Variants in TSHZ3 observed in about 807,000 individuals in gnomAD.
TSHZ3 encodes teashirt zinc finger homeobox 3.
TSHZ3 carries 10 observed loss-of-function variants against 64.5 expected under a neutral mutation model. That is an observed-to-expected ratio of 0.16 (90% CI 0.10 to 0.26). The LOEUF is 0.26. Ranked by LOEUF, TSHZ3 falls within the 10% of genes least tolerant of loss-of-function variation. The pLI, the probability that TSHZ3 is intolerant of heterozygous loss-of-function variation, is 1.00. For missense variants in TSHZ3, 1,242 were observed against 1,421.7 expected (o/e 0.87, Z 2.03); for synonymous variants, 608 against 593.1 (o/e 1.03, Z -0.36).
chr19:31,321,134 A>G (rs1425624246), intron 1 of TSHZ3, among the ~76,000 whole-genome samples: 1 of 152,248 alleles, frequency 6.6e-6, no homozygotes, highest in East Asian at 1.9e-4. Flanking sequence ...AGCAAAATAC[A>G]GTGCTTTATA....
intron 5 of TSHZ3, among the ~76,000 whole-genome samples, chr19:31,181,160 A>C (rs1193338415): frequency 2.0e-5 from 3 of 152,010 alleles, no homozygotes; most frequent in Non-Finnish European, 4.4e-5. Flanking sequence ...GTTTTTGAAG[A>C]ATCAAGCAGA....
intron 3 of TSHZ3, among the ~76,000 whole-genome samples, chr19:31,228,434 G>A (rs946552035): frequency 1.3e-5 from 2 of 151,004 alleles, no homozygotes; most frequent in East Asian, 2.0e-4. Context: ...GCTGAGGGGG[G>A]AGGATCACAT....
At chr19:31,258,514 C>T (rs1466904739) in intron 1 of TSHZ3, among the ~76,000 whole-genome samples, 1 of 152,194 alleles carries the variant, frequency 6.6e-6, no homozygotes, top group Non-Finnish European at 1.5e-5. Context: ...GTTTTCTCCG[C>T]AGCCAGCAGC....
At chr19:31,233,374 T>C (rs981817495) in intron 3 of TSHZ3, among the ~76,000 whole-genome samples, 8 of 152,216 alleles carry the variant, frequency 5.3e-5, no homozygotes, top group African/African-American at 1.4e-4. Context: ...CATTCACTCA[T>C]TGGCCAATTG....
At chr19:31,231,813 T>C (rs1975544488) in intron 3 of TSHZ3, among the ~76,000 whole-genome samples, 1 of 152,172 alleles carries the variant, frequency 6.6e-6, no homozygotes, top group African/African-American at 2.4e-5. Context: ...AAGGAAAATG[T>C]TTTGATTTAA....
chr19:31,308,545 T>G, intron 1 of TSHZ3: 1 of 396,690 alleles, frequency 2.5e-6, no homozygotes, highest in Non-Finnish European at 4.4e-6. Flanking sequence ...TCTAGGAGAC[T>G]GGCTCTCGAT....
chr19:31,274,229 A>G (rs764294238), downstream of TSHZ3, among the ~76,000 whole-genome samples: 7 of 152,144 alleles, frequency 4.6e-5, no homozygotes, highest in Non-Finnish European at 8.8e-5. Context: ...GATTCTGCAT[A>G]ACTGCAAGAG....
chr19:31,305,031 T>C (rs1293539878), intron 1 of TSHZ3, among the ~76,000 whole-genome samples: 1 of 152,194 alleles, frequency 6.6e-6, no homozygotes, highest in East Asian at 1.9e-4. Context: ...TAAGCAAAAT[T>C]GTAATCTGTT....
chr19:31,244,648 C>CT (rs908570103), intron 1 of TSHZ3, among the ~76,000 whole-genome samples: 3 of 151,398 alleles, frequency 2.0e-5, no homozygotes, highest in Non-Finnish European at 2.9e-5. Context: ...AAAATCATTT[C>CT]TTTTTTTTTA....
downstream of TSHZ3, among the ~76,000 whole-genome samples, chr19:31,270,977 A>C (rs1976127001): frequency 6.6e-6 from 1 of 152,132 alleles, no homozygotes; most frequent in African/African-American, 2.4e-5. Flanking sequence ...TTCTTTTAAA[A>C]CCTGGATTTT....
At chr19:31,349,082 G>C (rs2021613849) in intron 1 of TSHZ3, 98 bp downstream of exon 1, 6 of 1,457,060 alleles carry the variant, frequency 4.1e-6, no homozygotes, top group Admixed American at 2.1e-5. Context: ...AGTGCGGGCA[G>C]AAGAGCGGGG....
intron 1 of TSHZ3, among the ~76,000 whole-genome samples, chr19:31,256,659 G>A (rs1330075709): frequency 6.6e-6 from 1 of 152,212 alleles, no homozygotes; most frequent in African/African-American, 2.4e-5. Flanking sequence ...GCCAGGCACA[G>A]AGAAGTTTTG....
intron 1 of TSHZ3, among the ~76,000 whole-genome samples, chr19:31,338,875 A>G (rs1193096277): frequency 6.8e-6 from 1 of 146,412 alleles, no homozygotes; most frequent in Admixed American, 6.9e-5. Context: ...AGTCTTCTGT[A>G]TTGCACATGC....
intron 1 of TSHZ3, among the ~76,000 whole-genome samples, chr19:31,313,718 C>A (rs1916523680): frequency 6.6e-6 from 1 of 152,188 alleles, no homozygotes; most frequent in South Asian, 2.1e-4. Context: ...ATGGCCGTAG[C>A]CATTCAGCAA....
chr19:31,200,218 T>A (rs1315418066), intron 5 of TSHZ3, among the ~76,000 whole-genome samples: 2 of 152,044 alleles, frequency 1.3e-5, no homozygotes, highest in Admixed American at 6.6e-5. Flanking sequence ...CACTCCTTGG[T>A]ATTTACCTAA....
chr19:31,319,814 G>A (rs1599646052), intron 1 of TSHZ3, among the ~76,000 whole-genome samples: 2 of 151,724 alleles, frequency 1.3e-5, no homozygotes, highest in East Asian at 3.9e-4. Context: ...AAAAAAAAAG[G>A]CTGCTACTAG....
At chr19:31,313,920 G>A (rs971026246) in intron 1 of TSHZ3, among the ~76,000 whole-genome samples, 8 of 152,188 alleles carry the variant, frequency 5.3e-5, no homozygotes, top group Admixed American at 3.9e-4. Flanking sequence ...GCACACAATT[G>A]GAAGTCTTTG....
chr19:31,295,656 T>C (rs1040585634), intron 1 of TSHZ3, among the ~76,000 whole-genome samples: 2 of 152,242 alleles, frequency 1.3e-5, no homozygotes, highest in East Asian at 1.9e-4. Flanking sequence ...GAACACGAAA[T>C]GTTCTGCCTC....
intron 4 of TSHZ3, among the ~76,000 whole-genome samples, chr19:31,205,762 T>C (rs1975159125): frequency 6.6e-6 from 1 of 152,222 alleles, no homozygotes; most frequent in South Asian, 2.1e-4. Flanking sequence ...CTTAGCACTT[T>C]GAATCCAATC....
Sources: allele counts gnomAD v4.1 joint callset (sites outside exome capture counted in the v4.1 genomes callset), GRCh38; gene constraint gnomAD v4.1.1; transcripts MANE v1.5; gene names NCBI Gene and HGNC (gene_info 2026-07-23, HGNC 2026-07-21).